Variants in SCN11A observed in about 807,000 individuals in gnomAD.
The protein encoded by SCN11A is sodium voltage-gated channel alpha subunit 11.
A neutral mutation model predicts 162.2 loss-of-function variants in SCN11A; 122 were observed. The observed-to-expected ratio is 0.75, with a 90% CI of 0.65 to 0.87. The LOEUF is 0.87. Ranked by LOEUF, SCN11A falls within the 40% of genes least tolerant of loss-of-function variation. The pLI is 0.00. For missense variants in SCN11A, 2,015 were observed against 2,181.6 expected, an observed-to-expected ratio of 0.92 and a Z score of 1.52; for synonymous variants, 758 against 751.5, an observed-to-expected ratio of 1.01 and a Z score of -0.14.
intron 1 of SCN11A, among the ~76,000 whole-genome samples, chr3:39,045,336 C>CA (rs1235848429): frequency 1.3e-5 from 2 of 151,796 alleles, no homozygotes; most frequent in East Asian, 1.9e-4. Context: ...AAAAACACAA[C>CA]AAAAAAAGAA....
chr3:38,936,405 A>G (rs1357159736), intron 7 of SCN11A, among the ~76,000 whole-genome samples: 5 of 147,240 alleles, frequency 3.4e-5, no homozygotes, highest in African/African-American at 1.3e-4. Context: ...AAGGGTATTC[A>G]ATTAGGAAAA....
chr3:38,879,926 G>A, intron 23 of SCN11A, 24 bp downstream of exon 23: 1 of 1,599,218 alleles, frequency 6.3e-7, no homozygotes, highest in Non-Finnish European at 8.6e-7. Context: ...CAGCCTGTGT[G>A]GGACACAGAG....
At chr3:38,915,580 T>A (rs886125845) in intron 11 of SCN11A, among the ~76,000 whole-genome samples, 2 of 152,148 alleles carry the variant, frequency 1.3e-5, no homozygotes, top group African/African-American at 4.8e-5. Context: ...TTCAGAGGCA[T>A]GTTGTTTAAT....
intron 11 of SCN11A, among the ~76,000 whole-genome samples, chr3:38,917,927 T>C (rs1327173499): frequency 6.6e-6 from 1 of 152,200 alleles, no homozygotes; most frequent in Non-Finnish European, 1.5e-5. Flanking sequence ...TACCCAAGTT[T>C]GACTGCTGTT....
intron 13 of SCN11A, among the ~76,000 whole-genome samples, chr3:38,908,505 T>C (rs1165411107): frequency 6.6e-6 from 1 of 152,168 alleles, no homozygotes; most frequent in Non-Finnish European, 1.5e-5. Flanking sequence ...GTCCCTGTCC[T>C]GAAAATCTGA....
intron 2 of SCN11A, among the ~76,000 whole-genome samples, chr3:39,010,871 G>A (rs2031112887): frequency 6.6e-6 from 1 of 152,168 alleles, no homozygotes; most frequent in Non-Finnish European, 1.5e-5. Flanking sequence ...AATAACAAGG[G>A]TGGGATTGCT....
intron 19 of SCN11A, among the ~76,000 whole-genome samples, chr3:38,891,521 C>T (rs933284836): frequency 2.6e-5 from 4 of 152,162 alleles, no homozygotes; most frequent in Admixed American, 6.5e-5. Context: ...TTAATCTACA[C>T]GTCTTAGTCC....
chr3:38,987,237 T>C (rs2030279326), intron 2 of SCN11A, among the ~76,000 whole-genome samples: 1 of 149,192 alleles, frequency 6.7e-6, no homozygotes, highest in Non-Finnish European at 1.5e-5. Context: ...CCCTATTCCC[T>C]CCTCTTTCTT....
intron 1 of SCN11A, among the ~76,000 whole-genome samples, chr3:39,051,459 G>A (rs1045623865): frequency 6.6e-6 from 1 of 152,126 alleles, no homozygotes; most frequent in African/African-American, 2.4e-5. Context: ...ACATGATCTC[G>A]TTCTTTTATG....
rs143014764 is a variant in SCN11A, at chr3:38,847,673, C to T, written c.4397G>A (p.Arg1466His). The change falls in exon 30 of 30, where the codon CGC (arginine) becomes CAC (histidine). Residue 1466 changes from arginine (R) to histidine (H), a missense_variant. By Grantham distance (29) the Arg-to-His change is conservative (BLOSUM62 0). Coordinates refer to ENST00000302328, the MANE Select transcript of SCN11A (RefSeq NM_001349253.2). ...PFPPTLFRIV[R>H]LARIGRILRL... is the part of the protein sequence containing the mutation. The stretch of plus-strand genomic sequence containing the variant: ...CAGGATTCGGCCAATCCGAGCCAAG[C>T]GGACAATTCTGAAGAGCGTCGGAGG... The T allele has an allele frequency of 1.9e-6, 3 of 1,613,642 alleles. No individual in the cohort carries two copies. Among genetic ancestry groups the T allele is most frequent in the Non-Finnish European group, 2.5e-6 (3 of 1,179,622 alleles).
At chr3:38,927,107 T>C (rs2066155477) in intron 7 of SCN11A, among the ~76,000 whole-genome samples, 176 bp from the exon 8 acceptor site, 1 of 152,174 alleles carries the variant, frequency 6.6e-6, no homozygotes, top group Non-Finnish European at 1.5e-5. Context: ...TCCTGGTATT[T>C]AGAATTTCAG....
At chr3:38,849,595 T>C (rs1349196605) in intron 29 of SCN11A, 2 of 152,214 alleles carry the variant, frequency 1.3e-5, no homozygotes, top group African/African-American at 2.4e-5. Flanking sequence ...TTTTGAACTA[T>C]GAGAAGGGCT....
chr3:38,847,465 C>A lies in SCN11A; in HGVS notation c.4605G>T (p.Lys1535Asn). Residue 1535 changes from lysine to asparagine, a missense_variant, in exon 30 of 30, where the codon AAG becomes AAT. Physicochemically the swap from Lys to Asn is moderately conservative, Grantham distance 94. Transcript: ENST00000302328. ...ESGIDDIFNF[K>N]TFASSMLCLF... ...GACAGAGCATGCTGCTGGCAAAAGT[C>A]TTGAAGTTGAATATGTCATCGATTC... The A allele has an allele frequency of 6.2e-7, 1 of 1,614,180 alleles. No individual in the cohort carries two copies. Among genetic ancestry groups the A allele is most frequent in the South Asian group, 1.1e-5 (1 of 91,080 alleles).
chr3:39,004,507 C>T (rs2030911991), intron 2 of SCN11A, among the ~76,000 whole-genome samples: 1 of 152,046 alleles, frequency 6.6e-6, no homozygotes, highest in Admixed American at 6.5e-5. Flanking sequence ...TATTTGGGCT[C>T]TTTTTTTATT....
chr3:38,877,127 GTATATACTATATATATGGTA>G (rs1559501684), intron 23 of SCN11A, among the ~76,000 whole-genome samples: 86 of 33,102 alleles, frequency 2.6e-3, no homozygotes, highest in African/African-American at 9.1e-3. Context: ...TATATATGGT[GTATATACTATATATATGGTA>G]TATATATGGT....
In SCN11A at chr3:38,894,672, AT is replaced by A. The variant is rs1064793260; in HGVS notation, c.2695del (p.Ile899TyrfsTer2). On this transcript the variant is annotated frameshift_variant, in exon 19 of 30. Transcript: ENST00000302328. LOFTEE classifies it high-confidence loss of function. Reference protein sequence around the residue: ...RGSETQEELGILTSVPKTLGV... With the variant: ...RGSETQEELGXLTSVPKTLGV... ...CAGGGTCTTTGGTACAGAGGTTAGT[AT>A]ACCAAGCTCCTCCTGGGTCTCTGAG... is the stretch of plus-strand genomic sequence containing the variant. The A allele has an allele frequency of 6.2e-6, 10 of 1,614,184 alleles. No individual in the cohort carries two copies. Among genetic ancestry groups the A allele is most frequent in the Non-Finnish European group, 8.5e-6 (10 of 1,180,012 alleles).
In SCN11A at chr3:38,909,152, CA is replaced by C; in HGVS notation, c.1143del (p.Ile381MetfsTer11). The C allele has an allele frequency of 6.2e-7, 1 of 1,614,132 alleles. No individual in the cohort carries two copies. Among genetic ancestry groups the C allele is most frequent in the African/African-American group, 1.3e-5 (1 of 75,034 alleles). On this transcript the variant is annotated frameshift_variant, in exon 13 of 30. Coordinates refer to ENST00000302328, the MANE Select transcript of SCN11A (RefSeq NM_001349253.2). LOFTEE classifies it high-confidence loss of function. ...TAGAAGGAGCCCAGGAAAATGACCA[CA>C]ATGAAGAAGAAGACTGAGTAGAGCC... ...TTGLYSVFFF[I>X]VVIFLGSFYL...
At chr3:38,859,053 T>C (rs557483855) in intron 28 of SCN11A, among the ~76,000 whole-genome samples, 1 of 151,916 alleles carries the variant, frequency 6.6e-6, no homozygotes, top group South Asian at 2.1e-4. Flanking sequence ...TAGCATTAAA[T>C]GCGTACATCA....
At chr3:38,976,502 C>A (rs763801894) in intron 2 of SCN11A, among the ~76,000 whole-genome samples, 4 of 152,168 alleles carry the variant, frequency 2.6e-5, no homozygotes, top group Non-Finnish European at 5.9e-5. Context: ...ATTTTGAGCA[C>A]TGATATGACA....
Sources: allele counts gnomAD v4.1 joint callset (sites outside exome capture counted in the v4.1 genomes callset), GRCh38; gene constraint gnomAD v4.1.1; transcripts MANE v1.5; gene names NCBI Gene and HGNC (gene_info 2026-07-23, HGNC 2026-07-21).